Variants in HS3ST3A1 observed in about 807,000 individuals in gnomAD.
The protein encoded by HS3ST3A1 is heparan sulfate glucosamine 3-O-sulfotransferase 3A1.
In HS3ST3A1, 19 loss-of-function variants were observed where a neutral mutation model predicts 25.7. The ratio of observed to expected loss-of-function variants is 0.74; its 90% CI spans 0.52 to 1.08. The LOEUF (loss-of-function observed/expected upper bound fraction) is 1.08, where lower values mean the gene tolerates loss of function less well. HS3ST3A1 is among the 50% of genes least tolerant of loss of function. The pLI is 0.00. For synonymous variants in HS3ST3A1, 226 were observed against 278.6 expected, an observed-to-expected ratio of 0.81 and a Z score of 1.88; for missense variants, 459 against 594.3, an observed-to-expected ratio of 0.77 and a Z score of 2.37.
chr17:13,587,743 C>T (rs1908314601), intron 1 of HS3ST3A1, among the ~76,000 whole-genome samples: 1 of 152,080 alleles, frequency 6.6e-6, no homozygotes, highest in Non-Finnish European at 1.5e-5. Context: ...AAAAAAAAGA[C>T]CTACCACTAC....
At chr17:13,527,303 T>C (rs1598414776) in intron 1 of HS3ST3A1, among the ~76,000 whole-genome samples, 2 of 152,192 alleles carry the variant, frequency 1.3e-5, no homozygotes, top group Admixed American at 6.5e-5. Flanking sequence ...AGGGAGGGCA[T>C]GGAGCATTAA....
At chr17:13,593,614 C>T (rs148398831) in intron 1 of HS3ST3A1, among the ~76,000 whole-genome samples, 2 of 152,154 alleles carry the variant, frequency 1.3e-5, no homozygotes, top group Admixed American at 6.5e-5. Context: ...AGAAGAAACA[C>T]GGAATAAAAG....
chr17:13,520,337 C>A (rs35125302), intron 1 of HS3ST3A1, among the ~76,000 whole-genome samples: 22,104 of 152,218 alleles, frequency 0.15, 1,686 homozygotes, highest in African/African-American at 0.16. Flanking sequence ...GTTTCACTAT[C>A]ATCCAATCCT....
intron 1 of HS3ST3A1, among the ~76,000 whole-genome samples, chr17:13,579,200 C>G (rs1200803928): frequency 6.6e-6 from 1 of 152,140 alleles, no homozygotes; most frequent in African/African-American, 2.4e-5. Context: ...TAAAATCATA[C>G]AACCATTTTG....
chr17:13,541,474 G>C (rs1335030323), intron 1 of HS3ST3A1, among the ~76,000 whole-genome samples: 3 of 152,092 alleles, frequency 2.0e-5, no homozygotes, highest in Non-Finnish European at 2.9e-5. Flanking sequence ...CACACATTGG[G>C]AATGGAAGGG....
In HS3ST3A1 at chr17:13,496,794, G is replaced by T; in HGVS notation, c.624C>A (p.Asp208Glu). 1.2e-6 allele frequency: 2 copies of T among 1,613,558 alleles called. No homozygotes were observed. The highest frequency in any genetic ancestry group is 1.7e-5 in the Admixed American group (1 of 59,990). Residue 208 changes from aspartate to glutamate, a missense_variant, in exon 2 of 2, where the codon GAC becomes GAA. Asp to Glu is a conservative substitution (Grantham distance 45). Around this residue, in one of 3 missense-constraint regions of HS3ST3A1, gnomAD observed 346 missense variants for 303.9 expected, o/e 1.14. Coordinates refer to ENST00000284110, the MANE Select transcript of HS3ST3A1 (RefSeq NM_006042.3). ...GCGTCTTCTCCATGGTGATCTGCCCGTCCAGGGTTCTGGGCATCAGGTCCC... is the reference window on the plus strand; with the variant it reads ...GCGTCTTCTCCATGGTGATCTGCCCTTCCAGGGTTCTGGGCATCAGGTCCC... ...WYRDLMPRTL[D>E]GQITMEKTPS... is the part of the protein sequence containing the mutation.
At chr17:13,581,338 G>A (rs886129058) in intron 1 of HS3ST3A1, among the ~76,000 whole-genome samples, 1 of 151,620 alleles carries the variant, frequency 6.6e-6, no homozygotes, top group Non-Finnish European at 1.5e-5. Context: ...GTGGTGGCAC[G>A]CACCTGTAGT....
chr17:13,563,817 C>G (rs1050085581), intron 1 of HS3ST3A1, among the ~76,000 whole-genome samples: 5 of 152,170 alleles, frequency 3.3e-5, no homozygotes, highest in Non-Finnish European at 5.9e-5. Flanking sequence ...CCTTCCTTTC[C>G]TGATACACGT....
intron 1 of HS3ST3A1, among the ~76,000 whole-genome samples, chr17:13,586,127 G>A (rs141922358): frequency 5.9e-4 from 90 of 152,036 alleles, no homozygotes; most frequent in African/African-American, 2.1e-3. Flanking sequence ...GATTACAGGC[G>A]TGAGCCACCA....
chr17:13,578,270 G>A (rs112038081), intron 1 of HS3ST3A1, among the ~76,000 whole-genome samples: 4,490 of 151,850 alleles, frequency 0.03, 211 homozygotes, highest in African/African-American at 0.1. Context: ...TTTCCAGGCC[G>A]GGAATGGTGG....
At chr17:13,567,338 A>G (rs1302412525) in intron 1 of HS3ST3A1, among the ~76,000 whole-genome samples, 1 of 152,246 alleles carries the variant, frequency 6.6e-6, no homozygotes, top group Non-Finnish European at 1.5e-5. Context: ...GCATCTGGTT[A>G]TCTAAGATCT....
At chr17:13,503,652 T>G (rs1057186644) in intron 1 of HS3ST3A1, among the ~76,000 whole-genome samples, 1 of 152,030 alleles carries the variant, frequency 6.6e-6, no homozygotes, top group East Asian at 1.9e-4. Flanking sequence ...ATCAGGAAAA[T>G]GTAAATTAAA....
At chr17:13,581,454 G>A (rs960670660) in intron 1 of HS3ST3A1, among the ~76,000 whole-genome samples, 15 of 132,250 alleles carry the variant, frequency 1.1e-4, no homozygotes, top group African/African-American at 3.0e-4. Context: ...GTGATGAAGT[G>A]AGACTCTATC....
chr17:13,537,994 T>C (rs1427723252), intron 1 of HS3ST3A1, among the ~76,000 whole-genome samples: 1 of 152,248 alleles, frequency 6.6e-6, no homozygotes, highest in Non-Finnish European at 1.5e-5. Flanking sequence ...GTTCAACTAA[T>C]ACAATAAACA....
At chr17:13,575,822 G>A (rs1907934655) in intron 1 of HS3ST3A1, among the ~76,000 whole-genome samples, 1 of 152,322 alleles carries the variant, frequency 6.6e-6, no homozygotes, top group African/African-American at 2.4e-5. Context: ...AGTTAGATTG[G>A]GGGAGCTAGA....
rs569675916 is a variant in HS3ST3A1 at position 13,579,155 on chromosome 17, A to C, written c.599+21376T>G. The stretch of plus-strand genomic sequence containing the variant: ...AGCATCATAAAGATGTGGAAACTCT[A>C]CCACTGTTCTATTGGTACAGTACTG... On this transcript the variant is annotated intron_variant, in intron 1 of 1. Transcript: ENST00000284110. Among the ~76,000 whole-genome samples, 2 of 152,206 alleles carry C rather than the reference A, an allele frequency of 1.3e-5. 1 individual carries two copies. The highest frequency in any genetic ancestry group is 4.1e-4 in the South Asian group (2 of 4,830).
At chr17:13,537,103 G>T (rs893026688) in intron 1 of HS3ST3A1, among the ~76,000 whole-genome samples, 2 of 152,142 alleles carry the variant, frequency 1.3e-5, no homozygotes, top group Non-Finnish European at 2.9e-5. Flanking sequence ...CCATCCATCT[G>T]CCTAGGGCAC....
chr17:13,526,221 C>T (rs74870150), intron 1 of HS3ST3A1, among the ~76,000 whole-genome samples: 2,646 of 152,026 alleles, frequency 0.017, 75 homozygotes, highest in African/African-American at 0.061. Flanking sequence ...CTTCTGAGAA[C>T]AAGCTTTCCT....
chr17:13,508,475 G>T (rs1355041859), intron 1 of HS3ST3A1, among the ~76,000 whole-genome samples: 1 of 152,178 alleles, frequency 6.6e-6, no homozygotes, highest in Non-Finnish European at 1.5e-5. Flanking sequence ...TTATGTTTCT[G>T]TTGGATCTTA....
Sources: allele counts gnomAD v4.1 joint callset (sites outside exome capture counted in the v4.1 genomes callset), GRCh38; gene constraint gnomAD v4.1.1; regional missense constraint gnomAD v4.1.1; transcripts MANE v1.5; gene names NCBI Gene and HGNC (gene_info 2026-07-23, HGNC 2026-07-21).